The following BIRC6 variants were observed in gnomAD, a reference collection of about 807,000 sequenced individuals.
BIRC6 encodes the protein baculoviral IAP repeat containing 6.
BIRC6 carries 98 observed loss-of-function variants against 503.3 expected under a neutral mutation model. The observed-to-expected ratio is 0.19, with a 90% confidence interval of 0.17 to 0.23. The LOEUF is 0.23. Among genes scored for constraint, BIRC6 ranks in the 10% least tolerant of loss-of-function variants. The pLI, the probability that BIRC6 is intolerant of heterozygous loss-of-function variation, is 1.00. For synonymous variants in BIRC6, 2,240 were observed against 2,078.7 expected (o/e 1.08, Z -2.11); for missense variants, 5,360 against 5,806.0 (o/e 0.92, Z 2.50).
intron 9 of BIRC6, among the ~76,000 whole-genome samples, chr2:32,410,652 C>G (rs571125197): frequency 6.6e-6 from 1 of 151,372 alleles, no homozygotes; most frequent in Non-Finnish European, 1.5e-5. Context: ...TTGAGTTACC[C>G]TAAGTGGTTC....
At position 32,547,842 on chromosome 2, in the gene BIRC6, A is replaced by T. The variant is rs1279418037; in HGVS notation, c.12811-8A>T. 1 of 1,542,800 alleles carries T rather than the reference A, an allele frequency of 6.5e-7. No homozygotes were observed. Among genetic ancestry groups the T allele is most frequent in the Non-Finnish European group, 8.7e-7 (1 of 1,148,992 alleles). ...TTGTAATGGATTTTCATTTTTTGTT[A>T]TTTTAAGCCACAGGTGTCAAGCTCT... On this transcript the variant is annotated splice_polypyrimidine_tract_variant and splice_region_variant and intron_variant, in intron 63 of 73. Transcript: ENST00000421745.
intron 65 of BIRC6, among the ~76,000 whole-genome samples, chr2:32,573,519 T>C (rs2060058181): frequency 6.6e-6 from 1 of 152,128 alleles, no homozygotes; most frequent in Non-Finnish European, 1.5e-5. Flanking sequence ...GGAATGGCTG[T>C]TCAGTAACTG....
chr2:32,446,650 G>A (rs577046800), intron 21 of BIRC6, among the ~76,000 whole-genome samples: 1 of 147,708 alleles, frequency 6.8e-6, no homozygotes, highest in East Asian at 2.1e-4. Flanking sequence ...TCTCTGGACA[G>A]TGTCTTTTAG....
intron 23 of BIRC6, among the ~76,000 whole-genome samples, chr2:32,460,284 T>A (rs1192731059): frequency 4.9e-4 from 46 of 93,186 alleles, no homozygotes; most frequent in Middle Eastern, 5.2e-3. Flanking sequence ...TTTTTTTTTT[T>A]TTTTTTTTTT....
At position 32,499,900 on chromosome 2, in the gene BIRC6, G is replaced by C. The variant is rs753756477; in HGVS notation, c.8822G>C (p.Ser2941Thr). Residue 2941 changes from serine to threonine, a missense_variant, in exon 46 of 74, where the codon AGT (serine) becomes ACT (threonine). By Grantham distance (58) the Ser-to-Thr change is moderately conservative (BLOSUM62 1). This residue lies in a region of BIRC6 where 2,299 missense variants were observed against 2,267.2 expected (regional missense o/e 1.01). Transcript: ENST00000421745. ...CCTCTTTCAGGCAATAGGGAATACA[G>C]TGCAAGAGTGTCTGTGACCACAAAT... ...QLPLSGNREYSARVSVTTNTT... is the reference protein window; with the variant it reads ...QLPLSGNREYTARVSVTTNTT... The C allele has an allele frequency of 8.1e-6, 13 of 1,614,052 alleles. No individual in the cohort carries two copies. Among genetic ancestry groups the C allele is most frequent in the Non-Finnish European group, 1.1e-5 (13 of 1,179,898 alleles).
In BIRC6 at chr2:32,515,231, G is replaced by T. The variant is rs369960712; in HGVS notation, c.10810G>T (p.Ala3604Ser). Residue 3604 changes from alanine to serine, a missense_variant, in exon 55 of 74, where the codon GCA becomes TCA. Around this residue, in one of 16 missense-constraint regions of BIRC6, gnomAD observed 878 missense variants for 928.9 expected, o/e 0.95. Coordinates refer to ENST00000421745, the MANE Select transcript of BIRC6 (RefSeq NM_016252.4). ...CTCTAAAAATGCACAAGCACCTCTC[G>T]CATTAACTGAATCACATTTGGCTAC... ...DDSKNAQAPL[A>S]LTESHLATLA... 1.2e-5 allele frequency: 20 copies of T among 1,613,632 alleles called. No homozygotes were observed. The East Asian group carries it at 1.3e-4, about 11-fold the overall frequency.
At chr2:32,436,756 G>T (rs1168585232) in intron 15 of BIRC6, among the ~76,000 whole-genome samples, 1 of 151,920 alleles carries the variant, frequency 6.6e-6, no homozygotes, top group African/African-American at 2.4e-5. Context: ...TAGAGATGGG[G>T]TTTCACCATG....
chr2:32,519,089 G>A lies in BIRC6; in HGVS notation c.11623+143G>A, dbSNP rs923501296. ...GTTCAAGACATCTTTATAGTTTGAAGCATAAGAAGCCAGTCAAGTGGACAA... is the reference window on the plus strand; with the variant it reads ...GTTCAAGACATCTTTATAGTTTGAAACATAAGAAGCCAGTCAAGTGGACAA... On this transcript the variant is annotated intron_variant, in intron 57 of 73. Transcript: ENST00000421745. 34 of 820,986 alleles carry A rather than the reference G, an allele frequency of 4.1e-5. 1 individual carries two copies. The highest frequency in any genetic ancestry group is 6.1e-5 in the Non-Finnish European group (34 of 555,800). The allele number at this position is 820,986 out of a possible 1,614,324, so 50.9% of individuals were successfully genotyped here.
Position 32,436,057 on chromosome 2 carries a change from T to C in BIRC6, c.3504T>C (p.Leu1168=), listed in dbSNP as rs753963415. The C allele has an allele frequency of 2.8e-6, 4 of 1,413,776 alleles. No individual in the cohort carries two copies. Among genetic ancestry groups the C allele is most frequent in the Non-Finnish European group, 3.7e-6 (4 of 1,067,200 alleles). The allele number at this position is 1,413,776 out of a possible 1,614,324, so 87.6% of individuals were successfully genotyped here. The change falls in exon 15 of 74, where the codon CTT becomes CTC. Residue 1168 remains leucine, a synonymous_variant. Transcript: ENST00000421745. ...QHMDVEESQC[L]RLCPFLEDHK... ...AATATGTATTTTTCTTTTTAGGTCT[T>C]AGATTATGTCCATTTTTGGAGGATC...
intron 65 of BIRC6, among the ~76,000 whole-genome samples, chr2:32,571,847 A>T (rs543565625): frequency 6.6e-6 from 1 of 152,120 alleles, no homozygotes; most frequent in South Asian, 2.1e-4. Context: ...CCACTTTCTG[A>T]TGCAGGCTTT....
At position 32,415,053 on chromosome 2, in the gene BIRC6, C is replaced by T; in HGVS notation, c.1762C>T (p.His588Tyr). Residue 588 changes from histidine to tyrosine, a missense_variant, in exon 10 of 74, where the codon CAC (histidine) becomes TAC (tyrosine). His to Tyr is a moderately conservative substitution (Grantham distance 83). Around this residue, in one of 16 missense-constraint regions of BIRC6, gnomAD observed 700 missense variants for 739.3 expected, o/e 0.95. Transcript: ENST00000421745. ...TACCTCACCCATTAGTAGTAATTCT[C>T]ACAGGTCACTGGATGGTTTAAGCAG... Reference protein sequence around the residue: ...PATSPISSNSHRSLDGLSRTQ... With the variant: ...PATSPISSNSYRSLDGLSRTQ... 6.2e-7 allele frequency: 1 copy of T among 1,613,916 alleles called. No homozygotes were observed. The highest frequency in any genetic ancestry group is 8.5e-7 in the Non-Finnish European group (1 of 1,179,888).
intron 9 of BIRC6, among the ~76,000 whole-genome samples, chr2:32,412,342 C>A (rs760612882): frequency 6.6e-6 from 1 of 151,570 alleles, no homozygotes. Flanking sequence ...ACTAAAAATA[C>A]AAAAATTAGC....
At chr2:32,540,185 T>C (rs1029503161) in intron 61 of BIRC6, among the ~76,000 whole-genome samples, 1 of 152,082 alleles carries the variant, frequency 6.6e-6, no homozygotes, top group African/African-American at 2.4e-5. Flanking sequence ...GGTTATGATT[T>C]TGAAATCACA....
rs1572677340 is a variant in BIRC6, at chr2:32,504,995, T to C, written c.9500-10T>C. On this transcript the variant is annotated splice_polypyrimidine_tract_variant and intron_variant, in intron 49 of 73. Coordinates refer to ENST00000421745, the MANE Select transcript of BIRC6 (RefSeq NM_016252.4). ...AAGTTCTTATAATTTATGTAAAATA[T>C]CTTCTCTAGGTACAATCACATCTAG... 2.5e-6 allele frequency: 4 copies of C among 1,605,296 alleles called. No homozygotes were observed. Among genetic ancestry groups the C allele is most frequent in the South Asian group, 1.1e-5 (1 of 90,038 alleles).
At chr2:32,478,983 T>C (rs2050076406) in intron 36 of BIRC6, among the ~76,000 whole-genome samples, 165 bp downstream of exon 36, 1 of 152,204 alleles carries the variant, frequency 6.6e-6, no homozygotes, top group African/African-American at 2.4e-5. Context: ...CCATTGAAAA[T>C]TACTTTTGTA....
intron 65 of BIRC6, among the ~76,000 whole-genome samples, chr2:32,573,201 TTTTG>T (rs1007893765): frequency 6.6e-6 from 1 of 152,154 alleles, no homozygotes; most frequent in African/African-American, 2.4e-5. Context: ...AGTAAATGTT[TTTTG>T]TTTGTTTGTT....
In BIRC6 at chr2:32,599,950, G is replaced by A. The variant is rs1389428455; in HGVS notation, c.13992+50G>A. 5.8e-6 allele frequency: 9 copies of A among 1,550,686 alleles called. No homozygotes were observed. The Admixed American group carries it at 1.6e-4, about 27-fold the overall frequency. On this transcript the variant is annotated intron_variant, in intron 70 of 73. Coordinates refer to ENST00000421745, the MANE Select transcript of BIRC6 (RefSeq NM_016252.4). Reference sequence around the variant, plus strand: ...TCAAATGCCAATGATTGTATACAAAGGTTCTTTGTAATTTGAAGAAAAATT... The same window carrying A: ...TCAAATGCCAATGATTGTATACAAAAGTTCTTTGTAATTTGAAGAAAAATT...
chr2:32,513,780 G>A (rs373304130), intron 54 of BIRC6, among the ~76,000 whole-genome samples: 15 of 152,120 alleles, frequency 9.9e-5, no homozygotes, highest in African/African-American at 1.9e-4. Context: ...GTGGTGGCGC[G>A]TGTCTGTAAT....
At chr2:32,430,460 G>A (rs376779525) in intron 11 of BIRC6, among the ~76,000 whole-genome samples, 2 of 152,102 alleles carry the variant, frequency 1.3e-5, no homozygotes, top group East Asian at 3.8e-4. Context: ...GTACTTGCTT[G>A]ATGTCTAGCA....
Sources: allele counts gnomAD v4.1 joint callset (sites outside exome capture counted in the v4.1 genomes callset), GRCh38; gene constraint gnomAD v4.1.1; regional missense constraint gnomAD v4.1.1; transcripts MANE v1.5; gene names NCBI Gene and HGNC (gene_info 2026-07-23, HGNC 2026-07-21).